Variants in LRIT1 observed in about 807,000 individuals in gnomAD.
The protein encoded by LRIT1 is leucine rich repeat, Ig-like and transmembrane domains 1.
In LRIT1, 23 loss-of-function variants were observed where a neutral mutation model predicts 24.0. The ratio of observed to expected loss-of-function variants is 0.96; its 90% CI spans 0.69 to 1.36. LRIT1 has a LOEUF of 1.36. LRIT1 is among the 40% of genes most tolerant of loss of function. The pLI is 0.00. For missense variants in LRIT1, 846 were observed against 806.3 expected (o/e 1.05, Z -0.60); for synonymous variants, 361 against 340.5 (o/e 1.06, Z -0.66).
At chr10:84,238,651 G>A (rs1842671257) in intron 1 of LRIT1, among the ~76,000 whole-genome samples, 1 of 152,090 alleles carries the variant, frequency 6.6e-6, no homozygotes, top group East Asian at 1.9e-4. Flanking sequence ...GTGGTTATGG[G>A]GTTTAAATGA....
At chr10:84,239,862 C>T (rs1366076835) in intron 1 of LRIT1, among the ~76,000 whole-genome samples, 1 of 152,206 alleles carries the variant, frequency 6.6e-6, no homozygotes, top group Non-Finnish European at 1.5e-5. Context: ...CCCATAGCCA[C>T]AGGGGACCTC....
At position 84,241,396 on chromosome 10, in the gene LRIT1, C is replaced by T; in HGVS notation, c.44G>A (p.Trp15Ter). 1 of 1,610,314 alleles carries T rather than the reference C, an allele frequency of 6.2e-7. No homozygotes were observed. Among genetic ancestry groups the T allele is most frequent in the South Asian group, 1.1e-5 (1 of 90,632 alleles). Residue 15 changes from tryptophan (W) to a stop codon, truncating the protein, a stop_gained, in exon 1 of 4, where the codon TGG (tryptophan) becomes TAG (stop). Transcript: ENST00000372105. LOFTEE classifies it high-confidence loss of function. The part of the protein sequence containing the change: ...LGMLWLLALA[W>*]PPQARGFCPS... ...GCAGAAGCCCCGGGCCTGGGGGGGC[C>T]ACGCAAGGGCCAAGAGCCAGAGCAT... is the stretch of plus-strand genomic sequence containing the variant.
chr10:84,237,743 C>T, intron 1 of LRIT1, 57 bp from the exon 2 acceptor site: 2 of 1,361,962 alleles, frequency 1.5e-6, no homozygotes, highest in Non-Finnish European at 2.0e-6. Flanking sequence ...TGGGATCTCC[C>T]ACCGCTACCT....
rs1401391866 is a variant in LRIT1, at chr10:84,241,350, G to T, written c.90C>A (p.Ser30Arg). The T allele has an allele frequency of 3.7e-6, 6 of 1,613,768 alleles. No homozygotes were observed. Among genetic ancestry groups the T allele is most frequent in the Non-Finnish European group, 2.5e-6 (3 of 1,179,910 alleles). Residue 30 changes from serine (S) to arginine (R), a missense_variant, in exon 1 of 4, where the codon AGC (serine) becomes AGA (arginine). Physicochemically the swap from Ser to Arg is moderately radical, Grantham distance 110. Transcript: ENST00000372105. Reference sequence around the variant, plus strand: ...TGCTGCCATCACCCATGATATGGAGGCTGCAGCTGCATTGAGAGGGGCAGA... The same window carrying T: ...TGCTGCCATCACCCATGATATGGAGTCTGCAGCTGCATTGAGAGGGGCAGA... ...RGFCPSQCSC[S>R]LHIMGDGSKA...
intron 1 of LRIT1, among the ~76,000 whole-genome samples, chr10:84,240,253 G>T (rs931341258): frequency 6.6e-6 from 1 of 152,184 alleles, no homozygotes; most frequent in Non-Finnish European, 1.5e-5. Context: ...GGCTGTTCAG[G>T]GCTCAGCCTG....
chr10:84,240,605 C>T (rs1842684091), intron 1 of LRIT1, among the ~76,000 whole-genome samples: 1 of 152,080 alleles, frequency 6.6e-6, no homozygotes, highest in Non-Finnish European at 1.5e-5. Context: ...GGTCCACAAG[C>T]CACAGTGGCA....
intron 2 of LRIT1, among the ~76,000 whole-genome samples, chr10:84,235,938 C>A (rs759721550): frequency 8.6e-5 from 13 of 150,866 alleles, no homozygotes; most frequent in Admixed American, 2.0e-4. Context: ...GTCTAATATG[C>A]ACACTCTGTG....
chr10:84,237,644 C>T lies in LRIT1; in HGVS notation c.165G>A (p.Ala55=), dbSNP rs1323633045. ...GTCTGGAGGTGTCCGGGGGGATGGA[C>T]GCCGGGGGCAGGGTCATGTCGGGGT... The part of the protein sequence containing the change: ...CNDPDMTLPP[A]SIPPDTSRLR... The change falls in exon 2 of 4, where the codon GCG becomes GCA. Residue 55 remains alanine, a synonymous_variant. Coordinates refer to ENST00000372105, the MANE Select transcript of LRIT1 (RefSeq NM_015613.3). The T allele has an allele frequency of 1.2e-6, 2 of 1,605,356 alleles. No individual in the cohort carries two copies. The highest frequency in any genetic ancestry group is 1.7e-6 in the Non-Finnish European group (2 of 1,178,676).
Position 84,237,657 on chromosome 10 carries a change from G to T in LRIT1, c.152C>A (p.Thr51Asn). Residue 51 changes from threonine (T) to asparagine (N), a missense_variant, in exon 2 of 4, where the codon ACC becomes AAC. Physicochemically the swap from Thr to Asn is moderately conservative, Grantham distance 65. Transcript: ENST00000372105. The stretch of plus-strand genomic sequence containing the variant: ...CGGGGGGATGGACGCCGGGGGCAGG[G>T]TCATGTCGGGGTCGTTGCACACTAC... ...RTVVCNDPDM[T>N]LPPASIPPDT... 6.2e-7 allele frequency: 1 copy of T among 1,604,032 alleles called. No homozygotes were observed. The highest frequency in any genetic ancestry group is 8.5e-7 in the Non-Finnish European group (1 of 1,178,258).
At position 84,234,126 on chromosome 10, in the gene LRIT1, G is replaced by T; in HGVS notation, c.842C>A (p.Pro281His). 1 of 1,600,018 alleles carries T rather than the reference G, an allele frequency of 6.2e-7. No homozygotes were observed. Among genetic ancestry groups the T allele is most frequent in the East Asian group, 2.2e-5 (1 of 44,586 alleles). Residue 281 changes from proline (P) to histidine (H), a missense_variant, in exon 3 of 4, where the codon CCT (proline) becomes CAT (histidine). Physicochemically the swap from Pro to His is moderately conservative, Grantham distance 77. Transcript: ENST00000372105. ...ALLRCGATGVPGPEMSWRRAN... is the reference protein window; with the variant it reads ...ALLRCGATGVHGPEMSWRRAN... ...CCTCCTCCAGCTCATCTCGGGCCCA[G>T]GGACTCCAGTAGCTCCACAGCGTAG...
At chr10:84,240,207 G>A (rs1049815772) in intron 1 of LRIT1, among the ~76,000 whole-genome samples, 1 of 152,210 alleles carries the variant, frequency 6.6e-6, no homozygotes, top group Admixed American at 6.5e-5. Flanking sequence ...GAGGCTTTTT[G>A]TCACTCCAGT....
intron 1 of LRIT1, among the ~76,000 whole-genome samples, chr10:84,240,682 G>C (rs1306055258): frequency 6.6e-6 from 1 of 152,142 alleles, no homozygotes; most frequent in East Asian, 1.9e-4. Flanking sequence ...ACAGAGGGTG[G>C]GGAAAGTCAA....
At position 84,237,435 on chromosome 10, in the gene LRIT1, G is replaced by A. The variant is rs559680805; in HGVS notation, c.374C>T (p.Ala125Val). The A allele has an allele frequency of 2.6e-6, 4 of 1,549,208 alleles. No individual in the cohort carries two copies. Among genetic ancestry groups the A allele is most frequent in the South Asian group, 1.2e-5 (1 of 84,948 alleles). Residue 125 changes from alanine to valine, a missense_variant, in exon 2 of 4, where the codon GCG becomes GTG. Transcript: ENST00000372105. ...CAGCTTGGGGGCGTCCCTGAGCGCC[G>A]CCCAGGGGAAGGCGGCCAGGCGGTT... ...PGNRLAAFPW[A>V]ALRDAPKLRL...
Position 84,237,530 on chromosome 10 carries a change from G to C in LRIT1, c.279C>G (p.Asn93Lys), listed in dbSNP as rs769440511. 8.1e-6 allele frequency: 13 copies of C among 1,604,818 alleles called. No homozygotes were observed. Among genetic ancestry groups the C allele is most frequent in the African/African-American group, 2.7e-5 (2 of 75,020 alleles). Residue 93 changes from asparagine (N) to lysine (K), a missense_variant, in exon 2 of 4, where the codon AAC (asparagine) becomes AAG (lysine). By Grantham distance (94) the Asn-to-Lys change is moderately conservative (BLOSUM62 0). Coordinates refer to ENST00000372105, the MANE Select transcript of LRIT1 (RefSeq NM_015613.3). ...TGAGGGCGTTGAGCTCGCTGAGGGC[G>C]TTGTAAGGCAGCCACAGCTGCTCCA... is the stretch of plus-strand genomic sequence containing the variant. ...GRLEQLWLPY[N>K]ALSELNALML...
intron 1 of LRIT1, among the ~76,000 whole-genome samples, 187 bp downstream of exon 1, chr10:84,241,131 G>A (rs1432939384): frequency 1.3e-5 from 2 of 151,980 alleles, no homozygotes; most frequent in South Asian, 2.1e-4. Flanking sequence ...GGTACCTCTC[G>A]AATAGAGTCA....
At chr10:84,241,042 C>A (rs551142778) in intron 1 of LRIT1, among the ~76,000 whole-genome samples, 1 of 152,250 alleles carries the variant, frequency 6.6e-6, no homozygotes, top group South Asian at 2.1e-4. Context: ...TCACCAGGAG[C>A]CTGGAGGAGG....
At chr10:84,232,965 C>G in intron 3 of LRIT1, 62 bp from the exon 4 acceptor site, 1 of 1,547,352 alleles carries the variant, frequency 6.5e-7, no homozygotes. Context: ...AGCTGCCTTT[C>G]AGGGCCAAGT....
rs61729470 is a variant in LRIT1, at chr10:84,232,382, G to A, written c.1417C>T (p.Arg473Trp). Residue 473 changes from arginine (R) to tryptophan (W), a missense_variant, in exon 4 of 4, where the codon CGG (arginine) becomes TGG (tryptophan). Physicochemically the swap from Arg to Trp is moderately radical, Grantham distance 101. Coordinates refer to ENST00000372105, the MANE Select transcript of LRIT1 (RefSeq NM_015613.3). Reference protein sequence around the residue: ...YAVFGQHSMRRVIVQPGKTRV... With the variant: ...YAVFGQHSMRWVIVQPGKTRV... ...GTCTTCCCAGGCTGCACAATCACCC[G>A]CCGCATGCTGTGCTGCCCAAAGACC... The A allele has an allele frequency of 5.9e-4, 949 of 1,613,884 alleles. 6 individuals carry two copies. In the African/African-American group the frequency reaches 0.011, roughly 18 times the overall value.
intron 3 of LRIT1, among the ~76,000 whole-genome samples, chr10:84,233,705 T>C (rs1842622869): frequency 6.6e-6 from 1 of 152,244 alleles, no homozygotes; most frequent in Non-Finnish European, 1.5e-5. Context: ...GTAGCTCACA[T>C]CATTAATTAC....
Sources: allele counts gnomAD v4.1 joint callset (sites outside exome capture counted in the v4.1 genomes callset), GRCh38; gene constraint gnomAD v4.1.1; transcripts MANE v1.5; gene names NCBI Gene and HGNC (gene_info 2026-07-23, HGNC 2026-07-21).